The following SEMA6D variants were observed in gnomAD, a reference collection of about 807,000 sequenced individuals.
SEMA6D encodes the protein semaphorin 6D, also known as semaphorin-6D.
SEMA6D carries 35 observed loss-of-function variants against 106.6 expected under a neutral mutation model. The observed-to-expected ratio is 0.33, with a 90% CI of 0.25 to 0.44. SEMA6D has a LOEUF of 0.44. Among genes scored for constraint, SEMA6D ranks in the 20% least tolerant of loss-of-function variants. SEMA6D has a pLI of 1.00. For missense variants in SEMA6D, 1,185 were observed against 1,345.9 expected (o/e 0.88, Z 1.87); for synonymous variants, 499 against 487.7 (o/e 1.02, Z -0.31).
intron 2 of SEMA6D, among the ~76,000 whole-genome samples, chr15:47,436,943 AAAAT>A (rs1194926078): frequency 6.7e-6 from 1 of 148,672 alleles, no homozygotes; most frequent in Non-Finnish European, 1.5e-5. Context: ...CAGAAAAAAA[AAAAT>A]AAAAGAAGAA....
At chr15:47,655,888 C>T (rs1269138637) in intron 4 of SEMA6D, among the ~76,000 whole-genome samples, 1 of 152,226 alleles carries the variant, frequency 6.6e-6, no homozygotes, top group Non-Finnish European at 1.5e-5. Flanking sequence ...TGGATTTGCA[C>T]AAAGTGGTGA....
At chr15:47,518,648 A>G (rs141767568) in intron 3 of SEMA6D, among the ~76,000 whole-genome samples, 1 of 152,222 alleles carries the variant, frequency 6.6e-6, no homozygotes, top group Admixed American at 6.5e-5. Flanking sequence ...GATCTAATGG[A>G]TAAAAAATGA....
intron 4 of SEMA6D, among the ~76,000 whole-genome samples, chr15:47,662,901 G>A (rs2077954936): frequency 6.8e-6 from 1 of 147,216 alleles, no homozygotes; most frequent in Non-Finnish European, 1.5e-5. Context: ...TGAATCATTT[G>A]GAATAATAAA....
At chr15:47,360,740 GATTA>G (rs1231736298) in intron 1 of SEMA6D, among the ~76,000 whole-genome samples, 12 of 152,256 alleles carry the variant, frequency 7.9e-5, no homozygotes, top group African/African-American at 2.6e-4. Context: ...TACCTCCACT[GATTA>G]ATTAAATATC....
chr15:47,240,855 C>A (rs1018724188), intron 1 of SEMA6D, among the ~76,000 whole-genome samples: 4 of 152,074 alleles, frequency 2.6e-5, no homozygotes, highest in African/African-American at 9.7e-5. Context: ...AATATGTTTT[C>A]TTTGTAAATC....
chr15:47,240,766 A>G (rs1318536878), intron 1 of SEMA6D, among the ~76,000 whole-genome samples: 2 of 152,188 alleles, frequency 1.3e-5, no homozygotes, highest in Non-Finnish European at 2.9e-5. Context: ...TATTTGCCAA[A>G]AATTCAAATT....
At chr15:47,692,968 C>A (rs951944563) in intron 4 of SEMA6D, among the ~76,000 whole-genome samples, 1 of 152,046 alleles carries the variant, frequency 6.6e-6, no homozygotes, top group Non-Finnish European at 1.5e-5. Flanking sequence ...CCTCTCCCAC[C>A]CTCAAATATT....
intron 16 of SEMA6D, 48 bp downstream of exon 16, chr15:47,766,725 T>C (rs764015511): frequency 3.2e-6 from 4 of 1,251,798 alleles, no homozygotes; most frequent in African/African-American, 3.0e-5. Flanking sequence ...TTTGACCACA[T>C]TTGCACGTCG....
rs2082331437 is a variant in SEMA6D at position 47,766,249 on chromosome 15, G to A, written c.1646+67G>A. On this transcript the variant is annotated intron_variant, in intron 15 of 18. Transcript: ENST00000536845. ...TCCAGGGTCTCTAAAGCTAGAAATT[G>A]CAGAAAACTTCCAATTATACTACTT... 7 of 1,377,762 alleles carry A rather than the reference G, an allele frequency of 5.1e-6. No individual in the cohort carries two copies. The South Asian group carries it at 9.0e-5, about 18-fold the overall frequency. 85.3% of individuals were successfully genotyped at this position (1,377,762 alleles called of 1,614,324 possible).
intron 3 of SEMA6D, among the ~76,000 whole-genome samples, chr15:47,479,865 CTT>C (rs887943372): frequency 4.0e-5 from 5 of 126,150 alleles, no homozygotes; most frequent in African/African-American, 9.6e-5. Context: ...TCTTATCATT[CTT>C]TTTTTTTTTT....
intron 3 of SEMA6D, among the ~76,000 whole-genome samples, chr15:47,494,298 A>G (rs1365388400): frequency 2.0e-5 from 3 of 152,090 alleles, no homozygotes; most frequent in Admixed American, 2.0e-4. Context: ...ATGTAATCTT[A>G]TACACTACCC....
intron 1 of SEMA6D, among the ~76,000 whole-genome samples, chr15:47,295,763 A>G (rs146721213): frequency 2.6e-5 from 4 of 152,360 alleles, no homozygotes; most frequent in African/African-American, 9.6e-5. Flanking sequence ...TTTGACATAT[A>G]GTTGGCCCCA....
intron 2 of SEMA6D, among the ~76,000 whole-genome samples, chr15:47,424,348 GA>G (rs899288579): frequency 2.6e-4 from 38 of 144,832 alleles, no homozygotes; most frequent in Admixed American, 4.1e-4. Context: ...CATGAAATAA[GA>G]AAAAAAAAAG....
intron 1 of SEMA6D, chr15:47,339,196 A>G (rs1412099907): frequency 2.6e-5 from 4 of 152,094 alleles, no homozygotes; most frequent in South Asian, 2.1e-4. Context: ...CTTCATCTGT[A>G]TCCTTTATAA....
At chr15:47,237,397 G>A (rs1385834415) in intron 1 of SEMA6D, among the ~76,000 whole-genome samples, 2 of 151,990 alleles carry the variant, frequency 1.3e-5, no homozygotes, top group African/African-American at 4.8e-5. Context: ...TTGCCACGTT[G>A]GAAATGAGAC....
chr15:47,194,754 A>G (rs1196958406), intron 1 of SEMA6D, among the ~76,000 whole-genome samples: 1 of 152,234 alleles, frequency 6.6e-6, no homozygotes, highest in Non-Finnish European at 1.5e-5. Context: ...TGGAGTATGT[A>G]CATATGTGAG....
At chr15:47,450,463 GTCCC>G (rs2042157272) in intron 2 of SEMA6D, among the ~76,000 whole-genome samples, 1 of 152,050 alleles carries the variant, frequency 6.6e-6, no homozygotes, top group Non-Finnish European at 1.5e-5. Flanking sequence ...AGAGTTGTGT[GTCCC>G]TATGGCAGGG....
chr15:47,233,935 A>G (rs923838636), intron 1 of SEMA6D, among the ~76,000 whole-genome samples: 7 of 151,958 alleles, frequency 4.6e-5, no homozygotes, highest in African/African-American at 1.7e-4. Context: ...TGCATTAGCT[A>G]GGAACTCCAA....
chr15:47,735,753 C>T (rs762148294), intron 1 of SEMA6D, among the ~76,000 whole-genome samples: 16 of 152,154 alleles, frequency 1.1e-4, no homozygotes, highest in South Asian at 2.1e-4. Context: ...ACAAGCCTGC[C>T]GTCGGCCTGA....
Sources: allele counts gnomAD v4.1 joint callset (sites outside exome capture counted in the v4.1 genomes callset), GRCh38; gene constraint gnomAD v4.1.1; transcripts MANE v1.5; gene names NCBI Gene and HGNC (gene_info 2026-07-23, HGNC 2026-07-21).